Variants in CEP290 observed in about 807,000 individuals in gnomAD.
CEP290 encodes the protein centrosomal protein of 290 kDa.
CEP290 carries 317 observed loss-of-function variants against 344.9 expected under a neutral mutation model. That is an observed-to-expected ratio of 0.92 (90% CI 0.84 to 1.01). The LOEUF (loss-of-function observed/expected upper bound fraction) is 1.01. Among genes scored for constraint, CEP290 ranks in the 50% least tolerant of loss-of-function variants. CEP290 has a pLI of 0.00. For missense variants in CEP290, 2,754 were observed against 2,761.4 expected, an observed-to-expected ratio of 1.00 and a Z score of 0.06; for synonymous variants, 932 against 895.8, an observed-to-expected ratio of 1.04 and a Z score of -0.72.
At chr12:88,139,466 C>T (rs1184580610) in intron 4 of CEP290, 29 bp downstream of exon 4, 6 of 1,543,526 alleles carry the variant, frequency 3.9e-6, no homozygotes, top group Admixed American at 1.8e-5. Flanking sequence ...TTATTTAATA[C>T]CATAATAAAC....
chr12:88,062,041 A>C (rs1311849156), intron 46 of CEP290, among the ~76,000 whole-genome samples: 1 of 152,036 alleles, frequency 6.6e-6, no homozygotes, highest in Non-Finnish European at 1.5e-5. Flanking sequence ...GGCCTCCCAA[A>C]TTGCTGGGAT....
At position 88,094,040 on chromosome 12, in the gene CEP290, G is replaced by C. The variant is rs377245330; in HGVS notation, c.3104-65C>G. Reference sequence around the variant, plus strand: ...TATTAAAATTACCTCAGATATTTTAGATGCTGTATATTAGAAAGCATTATA... The same window carrying C: ...TATTAAAATTACCTCAGATATTTTACATGCTGTATATTAGAAAGCATTATA... On this transcript the variant is annotated intron_variant, in intron 27 of 53. Transcript: ENST00000552810. 80 of 1,213,570 alleles carry C rather than the reference G, an allele frequency of 6.6e-5. 1 individual carries two copies. In the South Asian group the frequency reaches 1.0e-3, roughly 16 times the overall value. 75.2% of individuals were successfully genotyped at this position (1,213,570 alleles called of 1,614,324 possible).
At chr12:88,137,003 C>T (rs1403700086) in intron 5 of CEP290, among the ~76,000 whole-genome samples, 1 of 151,910 alleles carries the variant, frequency 6.6e-6, no homozygotes, top group Non-Finnish European at 1.5e-5. Context: ...CTGAGCCACC[C>T]AGAGATGCAA....
chr12:88,114,699 T>C, intron 19 of CEP290, 137 bp from the exon 20 acceptor site: 4 of 772,116 alleles, frequency 5.2e-6, no homozygotes, highest in Non-Finnish European at 7.7e-6. Context: ...TACAAAAAAA[T>C]TCAACTATAA....
chr12:88,120,000 G>T, intron 15 of CEP290, 114 bp downstream of exon 15: 52 of 543,292 alleles, frequency 9.6e-5, no homozygotes, highest in East Asian at 2.0e-4. Flanking sequence ...TTTTATAAAA[G>T]CATTTGAAAA....
At chr12:88,074,571 T>C (rs1218868833) in intron 41 of CEP290, among the ~76,000 whole-genome samples, 1 of 152,200 alleles carries the variant, frequency 6.6e-6, no homozygotes, top group African/African-American at 2.4e-5. Context: ...CTTGTCCTCA[T>C]CTTTAGTTAT....
chr12:88,068,541 T>G lies in CEP290; in HGVS notation c.6116A>C (p.Asp2039Ala), dbSNP rs192259143. Reference protein sequence around the residue: ...LHALEKQFSKDTYSKPSISGI... With the variant: ...LHALEKQFSKATYSKPSISGI... ...ACTTACTGAAGGCTTAGAATATGTA[T>G]CCTTTGAAAACTGTTTTTCTAAAGC... The change falls in exon 44 of 54, where the codon GAT (aspartate) becomes GCT (alanine). Residue 2039 changes from aspartate to alanine, a missense_variant. Transcript: ENST00000552810. The G allele has an allele frequency of 6.4e-7, 1 of 1,562,020 alleles. No homozygotes were observed. Among genetic ancestry groups the G allele is most frequent in the African/African-American group, 1.4e-5 (1 of 72,410 alleles).
chr12:88,092,229 A>G (rs1457361333), intron 29 of CEP290, among the ~76,000 whole-genome samples: 2 of 152,264 alleles, frequency 1.3e-5, no homozygotes, highest in South Asian at 2.1e-4. Context: ...TGACTAGTAC[A>G]TAGTAGATGC....
rs2036424209 is a variant in CEP290 at position 88,084,457 on chromosome 12, C to G, written c.4704+129G>C. 5.9e-6 allele frequency: 5 copies of G among 850,956 alleles called. No homozygotes were observed. In the South Asian group the frequency reaches 8.5e-5, roughly 15 times the overall value. The allele number at this position is 850,956 out of a possible 1,614,324, so 52.7% of individuals were successfully genotyped here. A position where few individuals can be genotyped will look rare whatever the true frequency, so the allele number is the denominator to read the frequency against. Reference sequence around the variant, plus strand: ...GACAGAGGTGTAATCCAATCACATGCAAGTAACAATTCTTAAATAGAATCA... The same window carrying G: ...GACAGAGGTGTAATCCAATCACATGGAAGTAACAATTCTTAAATAGAATCA... On this transcript the variant is annotated intron_variant, in intron 35 of 53. Transcript: ENST00000552810.
At chr12:88,108,471 G>A (rs768600524) in intron 23 of CEP290, among the ~76,000 whole-genome samples, 3 of 152,142 alleles carry the variant, frequency 2.0e-5, no homozygotes, top group Non-Finnish European at 4.4e-5. Context: ...TAGCTTTGTG[G>A]TTCTGGTTAG....
chr12:88,131,078 C>A, intron 7 of CEP290, 87 bp downstream of exon 7: 1 of 1,060,290 alleles, frequency 9.4e-7, no homozygotes, highest in Non-Finnish European at 1.3e-6. Context: ...GACTCCAGTC[C>A]TGGTTAAAAT....
intron 9 of CEP290, 37 bp downstream of exon 9, chr12:88,130,231 G>T (rs753619845): frequency 6.5e-7 from 1 of 1,546,050 alleles, no homozygotes; most frequent in Non-Finnish European, 8.7e-7. Flanking sequence ...AAAGTTTTTA[G>T]GAACCATTGC....
At chr12:88,069,466 T>A (rs2035199085) in intron 43 of CEP290, among the ~76,000 whole-genome samples, 1 of 151,992 alleles carries the variant, frequency 6.6e-6, no homozygotes, top group African/African-American at 2.4e-5. Context: ...CAAAGAAGAA[T>A]AAAAGTGTTT....
At chr12:88,132,009 G>T (rs559991672) in intron 6 of CEP290, among the ~76,000 whole-genome samples, 1 of 152,194 alleles carries the variant, frequency 6.6e-6, no homozygotes, top group South Asian at 2.1e-4. Context: ...AAGCATGAAT[G>T]AGTTACTTAA....
chr12:88,077,473 T>C, intron 40 of CEP290, 129 bp from the exon 41 acceptor site: 1 of 697,574 alleles, frequency 1.4e-6, no homozygotes, highest in South Asian at 2.2e-5. Flanking sequence ...TGACACTTAA[T>C]ACATAAGATA....
intron 11 of CEP290, among the ~76,000 whole-genome samples, chr12:88,128,609 C>G (rs1345933368): frequency 6.6e-6 from 1 of 151,980 alleles, no homozygotes; most frequent in Non-Finnish European, 1.5e-5. Flanking sequence ...AACTATTTAA[C>G]TAATGTATAT....
chr12:88,129,158 A>ACTT (rs1026592365), intron 10 of CEP290, 123 bp from the exon 11 acceptor site: 41 of 262,960 alleles, frequency 1.6e-4, no homozygotes, highest in Middle Eastern at 7.9e-4. Flanking sequence ...ACGTATTCAT[A>ACTT]CTTATATACA....
rs188506349 is a variant in CEP290 at position 88,063,169 on chromosome 12, C to T, written c.6271-391G>A. On this transcript the variant is annotated intron_variant, in intron 45 of 53. Transcript: ENST00000552810. ...AAAAAAAAAAAAAGGAAAAAAAGTG[C>T]GAAAAAATGGCAGATTAGTGCCCTG... Among the ~76,000 whole-genome samples, 643 of 143,110 alleles carry T rather than the reference C, an allele frequency of 4.5e-3. 5 individuals are homozygous for T. The highest frequency in any genetic ancestry group is 9.3e-3 in the Admixed American group (134 of 14,444). 93.9% of individuals were successfully genotyped at this position (143,110 alleles called of 152,430 possible).
In CEP290 at chr12:88,128,934, G is replaced by T; in HGVS notation, c.942+12C>A. The T allele has an allele frequency of 6.8e-7, 1 of 1,466,126 alleles. No individual in the cohort carries two copies. The highest frequency in any genetic ancestry group is 9.0e-7 in the Non-Finnish European group (1 of 1,107,064). 90.8% of individuals were successfully genotyped at this position (1,466,126 alleles called of 1,614,324 possible). A position where few individuals can be genotyped will look rare whatever the true frequency, so the allele number is the denominator to read the frequency against. ...AAAAGAAAAAGTTATTATGTCAATT[G>T]AAAAAAAATACCTTCCATTCTTCTA... On this transcript the variant is annotated intron_variant, in intron 11 of 53. Transcript: ENST00000552810.
Sources: gnomAD v4.1 joint callset for allele counts (sites outside exome capture counted in the v4.1 genomes callset) on GRCh38, gnomAD v4.1.1 for gene constraint, MANE v1.5 for transcripts, NCBI Gene and HGNC (gene_info 2026-07-23, HGNC 2026-07-21) for gene names.